EYS: variants seen among roughly 807,000 people sequenced by gnomAD.
The protein encoded by EYS is protein eyes shut homolog.
EYS carries 250 observed loss-of-function variants against 282.1 expected under a neutral mutation model. That is an observed-to-expected ratio of 0.89 (90% confidence interval 0.80 to 0.98). The LOEUF (loss-of-function observed/expected upper bound fraction) is 0.98, where lower values mean the gene tolerates loss of function less well. Ranked by LOEUF, EYS falls within the 50% of genes least tolerant of loss-of-function variation. The pLI, the probability that EYS is intolerant of heterozygous loss-of-function variation, is 0.00. For missense variants in EYS, 4,016 were observed against 3,709.0 expected (o/e 1.08, Z -2.15); for synonymous variants, 1,355 against 1,282.9 (o/e 1.06, Z -1.20).
At chr6:64,984,815 C>T (rs1319609016) in intron 14 of EYS, among the ~76,000 whole-genome samples, 1 of 151,382 alleles carries the variant, frequency 6.6e-6, no homozygotes, top group East Asian at 1.9e-4. Flanking sequence ...CCTCCAGCAG[C>T]CTTACTGTAG....
At chr6:65,185,116 T>G (rs2150235996) in intron 12 of EYS, among the ~76,000 whole-genome samples, 1 of 151,904 alleles carries the variant, frequency 6.6e-6, no homozygotes, top group East Asian at 1.9e-4. Flanking sequence ...ATTTCATTTT[T>G]ATCATGAAGA....
chr6:64,590,662 G>C lies in EYS; in HGVS notation c.5205C>G (p.Phe1735Leu), dbSNP rs773118429. 1.7e-5 allele frequency: 26 copies of C among 1,551,138 alleles called. No individual in the cohort carries two copies. The South Asian group carries it at 3.1e-4, about 18-fold the overall frequency. ...MEKSKGSHTL[F>L]KLHPSDSSLD... ...GAGAACTATCACTTGGGTGAAGTTT[G>C]AACAGTGTATGAGATCCTTTACTTT... is the stretch of plus-strand genomic sequence containing the variant. The change falls in exon 26 of 43, where the codon TTC becomes TTG. Residue 1735 changes from phenylalanine to leucine, a missense_variant. Transcript: ENST00000503581.
At chr6:64,039,138 C>A (rs775888469) in intron 33 of EYS, among the ~76,000 whole-genome samples, 2 of 152,096 alleles carry the variant, frequency 1.3e-5, no homozygotes, top group Non-Finnish European at 2.9e-5. Flanking sequence ...CCTATTCTAC[C>A]TAATTTTCAA....
At chr6:65,165,529 A>C (rs1764952701) in intron 12 of EYS, among the ~76,000 whole-genome samples, 3 of 151,240 alleles carry the variant, frequency 2.0e-5, no homozygotes, top group Non-Finnish European at 3.0e-5. Flanking sequence ...TCTTCATATG[A>C]AAAATTAGTT....
intron 12 of EYS, among the ~76,000 whole-genome samples, chr6:65,222,934 A>G (rs1766509612): frequency 6.6e-6 from 1 of 152,166 alleles, no homozygotes; most frequent in Admixed American, 6.5e-5. Flanking sequence ...ATGAAGAAGA[A>G]GTAAGAGTCA....
At chr6:65,514,914 G>A (rs1174256434) in intron 2 of EYS, among the ~76,000 whole-genome samples, 1 of 151,986 alleles carries the variant, frequency 6.6e-6, no homozygotes, top group East Asian at 1.9e-4. Flanking sequence ...CAAAAGCAAT[G>A]GCAACAAAAG....
intron 41 of EYS, among the ~76,000 whole-genome samples, chr6:63,761,024 T>C (rs1233118241): frequency 6.6e-6 from 1 of 151,690 alleles, no homozygotes; most frequent in Non-Finnish European, 1.5e-5. Flanking sequence ...TTATTATTGC[T>C]ATTAAGTTTA....
chr6:63,795,235 A>T (rs1363770062), intron 37 of EYS, among the ~76,000 whole-genome samples: 1 of 152,248 alleles, frequency 6.6e-6, no homozygotes, highest in Non-Finnish European at 1.5e-5. Context: ...TGGGGCAACA[A>T]GATGAGATGC....
intron 31 of EYS, among the ~76,000 whole-genome samples, chr6:64,152,054 A>C (rs1342764978): frequency 6.6e-6 from 1 of 152,162 alleles, no homozygotes; most frequent in Non-Finnish European, 1.5e-5. Flanking sequence ...AGTTCAATGC[A>C]TTCAGGTTTT....
chr6:63,891,127 A>G (rs2149724713), intron 35 of EYS, among the ~76,000 whole-genome samples: 1 of 152,344 alleles, frequency 6.6e-6, no homozygotes, highest in East Asian at 1.9e-4. Context: ...ACCCAGGACC[A>G]GACAAATTCA....
chr6:64,308,001 T>C (rs1007731161), intron 29 of EYS, among the ~76,000 whole-genome samples: 1 of 151,974 alleles, frequency 6.6e-6, no homozygotes, highest in South Asian at 2.1e-4. Flanking sequence ...CAGTAAATTA[T>C]CAATGAAAAA....
chr6:64,779,491 G>C (rs1773790959), intron 22 of EYS, among the ~76,000 whole-genome samples: 1 of 152,112 alleles, frequency 6.6e-6, no homozygotes, highest in South Asian at 2.1e-4. Flanking sequence ...TGGGTTGGGG[G>C]AAGGGAAGAA....
intron 22 of EYS, among the ~76,000 whole-genome samples, chr6:64,719,734 G>A (rs572815336): frequency 4.6e-5 from 7 of 152,208 alleles, no homozygotes; most frequent in African/African-American, 1.2e-4. Context: ...GGAAAACCCC[G>A]TCTCTACTAA....
chr6:64,723,545 A>C (rs1475815853), intron 22 of EYS, among the ~76,000 whole-genome samples: 2 of 152,200 alleles, frequency 1.3e-5, no homozygotes, highest in Non-Finnish European at 2.9e-5. Context: ...CACTCTCTTC[A>C]CATTATTGAT....
At chr6:63,857,689 G>A (rs2149706593) in intron 36 of EYS, 2 of 434,130 alleles carry the variant, frequency 4.6e-6, no homozygotes, top group Non-Finnish European at 9.4e-6. Flanking sequence ...TTGCCAATAA[G>A]TTTGATGTGG....
intron 33 of EYS, among the ~76,000 whole-genome samples, chr6:64,009,034 T>C (rs1768480428): frequency 6.6e-6 from 1 of 152,202 alleles, no homozygotes; most frequent in South Asian, 2.1e-4. Context: ...TGAGGAAATT[T>C]TCATGAATGA....
In EYS at chr6:65,394,231, C is replaced by T. The variant is rs547816633; in HGVS notation, c.1184+8247G>A. ...AAATTAGTGTGTGTGTATGTGCGCA[C>T]GTGTGTGTGTGTGTGTGTGCAAAAT... On this transcript the variant is annotated intron_variant, in intron 7 of 42. Transcript: ENST00000503581. Among the ~76,000 whole-genome samples, 50 of 149,736 alleles carry T rather than the reference C, an allele frequency of 3.3e-4. No homozygotes were observed. The South Asian group carries it at 4.5e-3, about 13-fold the overall frequency.
At chr6:64,605,886 T>C (rs1766916392) in intron 24 of EYS, among the ~76,000 whole-genome samples, 1 of 152,004 alleles carries the variant, frequency 6.6e-6, no homozygotes, top group African/African-American at 2.4e-5. Flanking sequence ...TACCACCAAA[T>C]ATCTATAACA....
chr6:65,504,319 T>C (rs2127280123), intron 2 of EYS, among the ~76,000 whole-genome samples: 1 of 151,846 alleles, frequency 6.6e-6, no homozygotes, highest in South Asian at 2.1e-4. Context: ...CATGCTATAC[T>C]GACTTATTTA....
Sources: gnomAD v4.1 joint callset for allele counts (sites outside exome capture counted in the v4.1 genomes callset) on GRCh38, gnomAD v4.1.1 for gene constraint, MANE v1.5 for transcripts, NCBI Gene and HGNC (gene_info 2026-07-23, HGNC 2026-07-21) for gene names.